Variants in CDKAL1 observed in about 807,000 individuals in gnomAD.
CDKAL1 encodes the protein CDKAL1 threonylcarbamoyladenosine tRNA methylthiotransferase, also known as threonylcarbamoyladenosine tRNA methylthiotransferase.
A neutral mutation model predicts 68.2 loss-of-function variants in CDKAL1; 32 were observed. The observed-to-expected ratio is 0.47, with a 90% CI of 0.35 to 0.63. The LOEUF is 0.63. Ranked by LOEUF, CDKAL1 falls within the 30% of genes least tolerant of loss-of-function variation. CDKAL1 has a pLI of 0.00. For missense variants in CDKAL1, 606 were observed against 696.7 expected (o/e 0.87, Z 1.47); for synonymous variants, 234 against 244.3 (o/e 0.96, Z 0.39).
chr6:20,772,657 A>G (rs1416740920), intron 7 of CDKAL1, among the ~76,000 whole-genome samples: 2 of 152,224 alleles, frequency 1.3e-5, no homozygotes, highest in Non-Finnish European at 2.9e-5. Context: ...AAAATTGCCT[A>G]AGAACATTCC....
At chr6:20,684,064 T>C (rs1262684953) in intron 5 of CDKAL1, among the ~76,000 whole-genome samples, 1 of 152,242 alleles carries the variant, frequency 6.6e-6, no homozygotes, top group Non-Finnish European at 1.5e-5. Context: ...CTGAATAATA[T>C]TTCATTGTCA....
intron 6 of CDKAL1, among the ~76,000 whole-genome samples, chr6:20,748,555 GAAAAAAAAAAAAAA>G (rs760404728): frequency 3.4e-3 from 97 of 28,728 alleles, no homozygotes; most frequent in Non-Finnish European, 5.8e-3. Flanking sequence ...TCTGTTTCTG[GAAAAAAAAAAAAAA>G]AAAAAAAAAA....
intron 4 of CDKAL1, among the ~76,000 whole-genome samples, chr6:20,637,456 G>A (rs1767959800): frequency 6.6e-6 from 1 of 151,968 alleles, no homozygotes; most frequent in South Asian, 2.1e-4. Context: ...CCACCTACTC[G>A]GGAGGCTGAG....
At chr6:21,168,546 G>T (rs1288366762) in intron 13 of CDKAL1, among the ~76,000 whole-genome samples, 1 of 152,158 alleles carries the variant, frequency 6.6e-6, no homozygotes, top group Admixed American at 6.5e-5. Context: ...TGGACTCAAA[G>T]CTATTGTCTT....
intron 11 of CDKAL1, among the ~76,000 whole-genome samples, chr6:21,016,568 ATCAAT>A (rs1215432185): frequency 6.6e-6 from 1 of 151,700 alleles, no homozygotes; most frequent in East Asian, 1.9e-4. Context: ...TCCTCCTTAA[ATCAAT>A]TCATTTCAGT....
chr6:20,981,992 AAGTC>A (rs1302928920), intron 10 of CDKAL1, among the ~76,000 whole-genome samples: 2 of 152,176 alleles, frequency 1.3e-5, no homozygotes, highest in Non-Finnish European at 2.9e-5. Flanking sequence ...AAACATTAAA[AAGTC>A]AGAGTACTTG....
chr6:21,146,621 C>T (rs778989177), intron 13 of CDKAL1, among the ~76,000 whole-genome samples: 1 of 152,028 alleles, frequency 6.6e-6, no homozygotes, highest in African/African-American at 2.4e-5. Context: ...GAGGCCGAGA[C>T]GGGCGGATCA....
At chr6:21,133,235 T>C (rs1397473604) in intron 13 of CDKAL1, among the ~76,000 whole-genome samples, 1 of 152,218 alleles carries the variant, frequency 6.6e-6, no homozygotes, top group African/African-American at 2.4e-5. Flanking sequence ...CACTGTCCCA[T>C]CCTAAATCAA....
At chr6:20,722,891 C>G (rs1772449977) in intron 5 of CDKAL1, among the ~76,000 whole-genome samples, 1 of 152,130 alleles carries the variant, frequency 6.6e-6, no homozygotes, top group Admixed American at 6.5e-5. Flanking sequence ...TAGAGACAAC[C>G]TGACTTTGGG....
intron 5 of CDKAL1, among the ~76,000 whole-genome samples, chr6:20,704,715 G>A (rs1771522325): frequency 6.6e-6 from 1 of 152,206 alleles, no homozygotes; most frequent in Non-Finnish European, 1.5e-5. Flanking sequence ...GACCAGAAGT[G>A]AGGAAATAAT....
chr6:20,955,424 G>A lies in CDKAL1; in HGVS notation c.748G>A (p.Val250Ile), dbSNP rs773674927. The A allele has an allele frequency of 3.1e-6, 5 of 1,614,116 alleles. No homozygotes were observed. Among genetic ancestry groups the A allele is most frequent in the Non-Finnish European group, 4.2e-6 (5 of 1,179,970 alleles). Reference protein sequence around the residue: ...DRAKQSFQEGVCEIWLTSEDT... With the variant: ...DRAKQSFQEGICEIWLTSEDT... ...TTATCTCTTTTGATTCACAGAGGGT[G>A]TTTGTGAGATATGGTTGACCAGTGA... Residue 250 changes from valine (V) to isoleucine (I), a missense_variant, in exon 10 of 16, where the codon GTT becomes ATT. Val to Ile is a conservative substitution (Grantham distance 29, BLOSUM62 3). Coordinates refer to ENST00000274695, the MANE Select transcript of CDKAL1 (RefSeq NM_017774.3).
intron 8 of CDKAL1, among the ~76,000 whole-genome samples, chr6:20,816,198 T>G (rs140092101): frequency 1.2e-3 from 182 of 151,608 alleles, no homozygotes; most frequent in African/African-American, 4.2e-3. Flanking sequence ...GACTTCATCT[T>G]AACTTAATTA....
intron 13 of CDKAL1, among the ~76,000 whole-genome samples, chr6:21,137,094 G>A (rs939329496): frequency 2.2e-4 from 34 of 151,826 alleles, no homozygotes; most frequent in African/African-American, 8.0e-4. Context: ...AGGAACTATT[G>A]GGAGGAGAAG....
chr6:20,657,250 C>T (rs1388360103), intron 5 of CDKAL1, among the ~76,000 whole-genome samples: 1 of 152,146 alleles, frequency 6.6e-6, no homozygotes, highest in Non-Finnish European at 1.5e-5. Flanking sequence ...CTCTTGCATG[C>T]GTTTTGGTTT....
At chr6:20,627,428 G>A (rs1483425267) in intron 4 of CDKAL1, among the ~76,000 whole-genome samples, 1 of 152,136 alleles carries the variant, frequency 6.6e-6, no homozygotes. Context: ...TAAACAATCT[G>A]CTATACTTAT....
chr6:20,734,527 A>G (rs1773098694), intron 5 of CDKAL1, among the ~76,000 whole-genome samples: 1 of 152,154 alleles, frequency 6.6e-6, no homozygotes, highest in Non-Finnish European at 1.5e-5. Context: ...AACCTGAACA[A>G]AGCTAACCAG....
Position 21,019,954 on chromosome 6 carries a change from A to G in CDKAL1, c.1055+19582A>G, listed in dbSNP as rs892653398. ...GTCTCTTTTGTGTCTTTGTTATCCAATAAGTATTTTATGTCCAAAGTAAAA... is the reference window on the plus strand; with the variant it reads ...GTCTCTTTTGTGTCTTTGTTATCCAGTAAGTATTTTATGTCCAAAGTAAAA... On this transcript the variant is annotated intron_variant, in intron 11 of 15. Transcript: ENST00000274695. 1.3e-4 allele frequency among the ~76,000 whole-genome samples: 19 copies of G among 151,972 alleles called. No homozygotes were observed. In the East Asian group the frequency reaches 1.7e-3, roughly 14 times the overall value.
At chr6:20,861,405 C>A (rs1181127033) in intron 9 of CDKAL1, among the ~76,000 whole-genome samples, 1 of 152,154 alleles carries the variant, frequency 6.6e-6, no homozygotes, top group Non-Finnish European at 1.5e-5. Context: ...GTGCCATGGG[C>A]AAAGCCCACT....
At chr6:20,900,238 A>C (rs544641089) in intron 9 of CDKAL1, among the ~76,000 whole-genome samples, 10 of 152,340 alleles carry the variant, frequency 6.6e-5, no homozygotes, top group Admixed American at 6.5e-4. Context: ...TCCTTATTAA[A>C]AAAAAGGGGG....
Sources: allele counts gnomAD v4.1 joint callset (sites outside exome capture counted in the v4.1 genomes callset), GRCh38; gene constraint gnomAD v4.1.1; transcripts MANE v1.5; gene names NCBI Gene and HGNC (gene_info 2026-07-23, HGNC 2026-07-21).